GPR180: variants seen among roughly 807,000 people sequenced by gnomAD.
GPR180 encodes the protein G protein-coupled receptor 180.
GPR180 carries 53 observed loss-of-function variants against 52.6 expected under a neutral mutation model. The ratio of observed to expected loss-of-function variants is 1.01; its 90% CI spans 0.81 to 1.27. The LOEUF is 1.27. Among genes scored for constraint, GPR180 ranks in the 50% most tolerant of loss-of-function variants. GPR180 has a pLI of 0.00. For synonymous variants in GPR180, 200 were observed against 193.1 expected, an observed-to-expected ratio of 1.04 and a Z score of -0.30; for missense variants, 533 against 527.0, an observed-to-expected ratio of 1.01 and a Z score of -0.11.
intron 3 of GPR180, among the ~76,000 whole-genome samples, chr13:94,615,420 G>T (rs931614556): frequency 1.3e-5 from 2 of 152,152 alleles, no homozygotes; most frequent in Non-Finnish European, 2.9e-5. Context: ...GCAGATAGTT[G>T]CAATTAATGT....
In GPR180 at chr13:94,619,150, G is replaced by A. The variant is rs756863857; in HGVS notation, c.506G>A (p.Gly169Glu). The A allele has an allele frequency of 4.3e-6, 7 of 1,612,888 alleles. No individual in the cohort carries two copies. Among genetic ancestry groups the A allele is most frequent in the Admixed American group, 3.3e-5 (2 of 59,886 alleles). ...PFDHFSAGES[G>E]LHEFFFLLVL... ...CAAACTCCCTTTCTTCTCTTCACAGGGTTACATGAGTTCTTTTTCCTCCTA... is the reference window on the plus strand; with the variant it reads ...CAAACTCCCTTTCTTCTCTTCACAGAGTTACATGAGTTCTTTTTCCTCCTA... Residue 169 changes from glycine (G) to glutamate (E), a missense_variant and splice_region_variant, in exon 4 of 9, where the codon GGG (glycine) becomes GAG (glutamate). By Grantham distance (98) the Gly-to-Glu change is moderately conservative. Transcript: ENST00000376958.
At chr13:94,626,181 C>T (rs1284861682) in intron 8 of GPR180, 138 bp downstream of exon 8, 1 of 500,656 alleles carries the variant, frequency 2.0e-6, no homozygotes, top group Non-Finnish European at 3.5e-6. Context: ...AAATAGTAAA[C>T]CAATAAGCAG....
intron 1 of GPR180, 66 bp from the exon 2 acceptor site, chr13:94,605,325 A>C: frequency 6.8e-7 from 1 of 1,467,634 alleles, no homozygotes; most frequent in Non-Finnish European, 9.5e-7. Flanking sequence ...AGAGGTGTTG[A>C]GTTGTCCTCA....
chr13:94,601,883 C>G lies in GPR180; in HGVS notation c.-45C>G. The G allele has an allele frequency of 7.5e-7, 1 of 1,340,648 alleles. No individual in the cohort carries two copies. The highest frequency in any genetic ancestry group is 9.6e-7 in the Non-Finnish European group (1 of 1,045,300). 83.0% of individuals were successfully genotyped at this position (1,340,648 alleles called of 1,614,324 possible). ...GCTGCCGACGTGGGGCGGGCAGCCG[C>G]CGGCGGCTGGGAGCCGAGGCGTCGG... On this transcript the variant is annotated 5_prime_UTR_variant, in exon 1 of 9. Transcript: ENST00000376958.
In GPR180 at chr13:94,621,109, A is replaced by T. The variant is rs767877350; in HGVS notation, c.768A>T (p.Leu256Phe). Residue 256 changes from leucine (L) to phenylalanine (F), a missense_variant, in exon 6 of 9, where the codon TTA (leucine) becomes TTT (phenylalanine). Leu to Phe is a conservative substitution (Grantham distance 22, BLOSUM62 0). Coordinates refer to ENST00000376958, the MANE Select transcript of GPR180 (RefSeq NM_180989.6). ...FFDIASQIQM[L>F]YLLLSLCMGW... ...ACATCGCTTCCCAAATTCAGATGTTATACTTACTTTTGAGTCTATGCATGG... is the reference window on the plus strand; with the variant it reads ...ACATCGCTTCCCAAATTCAGATGTTTTACTTACTTTTGAGTCTATGCATGG... The T allele has an allele frequency of 8.7e-6, 14 of 1,610,450 alleles. No homozygotes were observed. In the East Asian group the frequency reaches 1.8e-4, roughly 21 times the overall value.
chr13:94,601,866 C>G lies in GPR180; in HGVS notation c.-62C>G, dbSNP rs372436127. On this transcript the variant is annotated 5_prime_UTR_variant, in exon 1 of 9. Transcript: ENST00000376958. ...CCACCCCGCCTCCCCCAGCTGCCGA[C>G]GTGGGGCGGGCAGCCGCCGGCGGCT... 9 of 1,325,724 alleles carry G rather than the reference C, an allele frequency of 6.8e-6. No homozygotes were observed. The highest frequency in any genetic ancestry group is 6.8e-6 in the Non-Finnish European group (7 of 1,035,494). The allele number at this position is 1,325,724 out of a possible 1,614,324, so 82.1% of individuals were successfully genotyped here.
At chr13:94,620,817 G>C (rs1177565805) in intron 5 of GPR180, among the ~76,000 whole-genome samples, 3 of 152,060 alleles carry the variant, frequency 2.0e-5, no homozygotes, top group Admixed American at 6.5e-5. Flanking sequence ...TGGACATATG[G>C]TATGGGCATA....
At chr13:94,618,420 ATTTT>A (rs570807308) in intron 3 of GPR180, among the ~76,000 whole-genome samples, 37 of 87,142 alleles carry the variant, frequency 4.2e-4, no homozygotes, top group African/African-American at 7.6e-4. Flanking sequence ...TCAGCACAGG[ATTTT>A]TTTTTTTTTT....
intron 3 of GPR180, among the ~76,000 whole-genome samples, chr13:94,617,547 G>C (rs1276616009): frequency 6.6e-6 from 1 of 152,080 alleles, no homozygotes; most frequent in East Asian, 1.9e-4. Flanking sequence ...AAAGTTAACT[G>C]TCCACATTTA....
Position 94,633,366 on chromosome 13 carries a change from G to T in GPR180, c.*6195G>T, listed in dbSNP as rs1255043609. On this transcript the variant is annotated 3_prime_UTR_variant, in exon 9 of 9. Transcript: ENST00000376958. The stretch of plus-strand genomic sequence containing the variant: ...AAAACACTTAACAGAAAATTACGTT[G>T]TACTCTCTGTACGGATAATTTTCGG... The T allele has an allele frequency of 6.6e-6, 1 of 152,000 alleles. No individual in the cohort carries two copies. The highest frequency in any genetic ancestry group is 2.4e-5 in the African/African-American group (1 of 41,390). The allele number at this position is 152,000 out of a possible 1,614,324, so 9.4% of individuals were successfully genotyped here.
At position 94,612,324 on chromosome 13, in the gene GPR180, G is replaced by C; in HGVS notation, c.439G>C (p.Glu147Gln). ...ENSQVEDIPF[E>Q]MVLLNPDAEG... The stretch of plus-strand genomic sequence containing the variant: ...TTCTCAGGTGGAAGATATCCCATTT[G>C]AAATGGTGTTACTAAACCCAGATGC... Residue 147 changes from glutamate to glutamine, a missense_variant, in exon 3 of 9, where the codon GAA becomes CAA. By Grantham distance (29) the Glu-to-Gln change is conservative. Transcript: ENST00000376958. 2 of 1,613,910 alleles carry C rather than the reference G, an allele frequency of 1.2e-6. No individual in the cohort carries two copies. Among genetic ancestry groups the C allele is most frequent in the Non-Finnish European group, 1.7e-6 (2 of 1,179,820 alleles).
At chr13:94,623,761 T>G (rs1256733130) in intron 7 of GPR180, among the ~76,000 whole-genome samples, 1 of 152,164 alleles carries the variant, frequency 6.6e-6, no homozygotes. Flanking sequence ...CATTTAACCT[T>G]AGCAACTTAT....
intron 2 of GPR180, 64 bp downstream of exon 2, chr13:94,605,613 A>T: frequency 7.5e-7 from 1 of 1,332,934 alleles, no homozygotes; most frequent in Non-Finnish European, 1.1e-6. Context: ...GTTGAAATAT[A>T]GTACCATATG....
At position 94,619,067 on chromosome 13, in the gene GPR180, T is replaced by G. The variant is rs1889817417; in HGVS notation, c.506-83T>G. On this transcript the variant is annotated intron_variant, in intron 3 of 8. Transcript: ENST00000376958. Reference sequence around the variant, plus strand: ...AGTTAAAAAACAAGTTCTAGAAATATATTGACAGGGAGATTTGAAAGCAGC... The same window carrying G: ...AGTTAAAAAACAAGTTCTAGAAATAGATTGACAGGGAGATTTGAAAGCAGC... The G allele has an allele frequency of 2.9e-6, 3 of 1,050,618 alleles. No individual in the cohort carries two copies. The East Asian group carries it at 7.4e-5, about 26-fold the overall frequency. 65.1% of individuals were successfully genotyped at this position (1,050,618 alleles called of 1,614,324 possible).
intron 3 of GPR180, 23 bp from the exon 4 acceptor site, chr13:94,619,127 A>G: frequency 6.3e-7 from 1 of 1,590,968 alleles, no homozygotes; most frequent in African/African-American, 1.4e-5. Flanking sequence ...TACTGAAGCA[A>G]ACTCCCTTTC....
intron 3 of GPR180, among the ~76,000 whole-genome samples, chr13:94,618,803 G>T (rs975419924): frequency 6.6e-6 from 1 of 152,046 alleles, no homozygotes; most frequent in African/African-American, 2.4e-5. Context: ...ATTCACTTTG[G>T]GGGTAAAATG....
At chr13:94,615,476 C>T (rs958003412) in intron 3 of GPR180, among the ~76,000 whole-genome samples, 2 of 151,998 alleles carry the variant, frequency 1.3e-5, no homozygotes, top group Non-Finnish European at 2.9e-5. Context: ...TCTTTCAAAC[C>T]AATTATGTAT....
At chr13:94,625,507 C>A (rs1206399859) in intron 7 of GPR180, among the ~76,000 whole-genome samples, 1 of 152,036 alleles carries the variant, frequency 6.6e-6, no homozygotes, top group East Asian at 1.9e-4. Flanking sequence ...AACAGTTACC[C>A]ATTCTTACCT....
At chr13:94,612,056 T>C (rs1207143148) in intron 2 of GPR180, 134 bp from the exon 3 acceptor site, 16 of 649,660 alleles carry the variant, frequency 2.5e-5, no homozygotes, top group Admixed American at 2.9e-5. Flanking sequence ...TTATTCCAAA[T>C]ACTACACAAG....
Sources: gnomAD v4.1 joint callset for allele counts (sites outside exome capture counted in the v4.1 genomes callset) on GRCh38, gnomAD v4.1.1 for gene constraint, MANE v1.5 for transcripts, NCBI Gene and HGNC (gene_info 2026-07-23, HGNC 2026-07-21) for gene names.